SLC4A10: variants seen among roughly 807,000 people sequenced by gnomAD.
SLC4A10 encodes the protein sodium-driven chloride bicarbonate exchanger.
Under a neutral mutation model 137.7 loss-of-function variants are expected in SLC4A10, and 42 were observed. The ratio of observed to expected loss-of-function variants is 0.30; its 90% CI spans 0.24 to 0.39. The LOEUF is 0.39. Among genes scored for constraint, SLC4A10 ranks in the 10% least tolerant of loss-of-function variants. SLC4A10 has a pLI of 1.00. For synonymous variants in SLC4A10, 474 were observed against 464.1 expected, an observed-to-expected ratio of 1.02 and a Z score of -0.27; for missense variants, 925 against 1,355.0, an observed-to-expected ratio of 0.68 and a Z score of 4.98.
rs996785470 is a variant in SLC4A10 at position 161,882,436 on chromosome 2, A to T, written c.1186A>T (p.Thr396Ser). The T allele has an allele frequency of 5.1e-6, 8 of 1,584,018 alleles. No homozygotes were observed. Among genetic ancestry groups the T allele is most frequent in the African/African-American group, 1.3e-5 (1 of 74,138 alleles). Residue 396 changes from threonine to serine, a missense_variant, in exon 10 of 27, where the codon ACA (threonine) becomes TCA (serine). This residue lies in a region of SLC4A10 where 277 missense variants were observed against 306.1 expected (regional missense o/e 0.90). Coordinates refer to ENST00000446997, the MANE Select transcript of SLC4A10 (RefSeq NM_001178015.2). ...TGGCAGATCAATTGCAACCCTAATG[A>T]CAGATGAGGTATTTATTCAAGTTCT... ...EIGRSIATLM[T>S]DEVFHDVAYK... is the part of the protein sequence containing the mutation.
chr2:161,965,249 G>C, intron 23 of SLC4A10, 76 bp downstream of exon 23: 1 of 1,447,968 alleles, frequency 6.9e-7, no homozygotes, highest in Non-Finnish European at 9.3e-7. Context: ...CTAAATTATT[G>C]TTTTTATCTT....
intron 1 of SLC4A10, among the ~76,000 whole-genome samples, chr2:161,762,418 G>T (rs148475015): frequency 1.0e-3 from 159 of 152,120 alleles, no homozygotes; most frequent in African/African-American, 3.5e-3. Flanking sequence ...GCTGATACTC[G>T]TTTATATATT....
intron 15 of SLC4A10, among the ~76,000 whole-genome samples, chr2:161,935,826 A>G (rs1391403177): frequency 6.6e-6 from 1 of 152,060 alleles, no homozygotes; most frequent in African/African-American, 2.4e-5. Context: ...TACAATGTTG[A>G]CTAAAAGTGG....
intron 2 of SLC4A10, among the ~76,000 whole-genome samples, chr2:161,772,243 T>C (rs2051712414): frequency 6.6e-6 from 1 of 151,816 alleles, no homozygotes; most frequent in Admixed American, 6.6e-5. Flanking sequence ...ATAAAAATAA[T>C]TTATCTTTGA....
Position 161,670,571 on chromosome 2 carries a change from T to A in SLC4A10, c.48+46005T>A, listed in dbSNP as rs531262705. Among the ~76,000 whole-genome samples, 237 of 34,758 alleles carry A rather than the reference T, an allele frequency of 6.8e-3. 1 individual carries two copies. The highest frequency in any genetic ancestry group is 0.017 in the Admixed American group (40 of 2,352). 22.8% of individuals were successfully genotyped at this position (34,758 alleles called of 152,430 possible). ...ACATAATTTACTCCCTTAGTAACCTTGTTTATAAATACTAACAAGGTATTT... is the reference window on the plus strand; with the variant it reads ...ACATAATTTACTCCCTTAGTAACCTAGTTTATAAATACTAACAAGGTATTT... On this transcript the variant is annotated intron_variant, in intron 1 of 26. Transcript: ENST00000446997.
At chr2:161,888,804 A>G (rs2062600895) in intron 10 of SLC4A10, among the ~76,000 whole-genome samples, 1 of 152,286 alleles carries the variant, frequency 6.6e-6, no homozygotes, top group Non-Finnish European at 1.5e-5. Flanking sequence ...TGTCCTGGCC[A>G]GAACTTCCAA....
At chr2:161,795,603 C>T (rs568927571) in intron 2 of SLC4A10, among the ~76,000 whole-genome samples, 23 of 152,044 alleles carry the variant, frequency 1.5e-4, no homozygotes, top group African/African-American at 5.1e-4. Flanking sequence ...AAGATTCAAC[C>T]TCTTGGAAGA....
At chr2:161,761,327 G>A (rs951610160) in intron 1 of SLC4A10, among the ~76,000 whole-genome samples, 1 of 152,052 alleles carries the variant, frequency 6.6e-6, no homozygotes, top group African/African-American at 2.4e-5. Context: ...CTTAGGGAAG[G>A]ACACAGCAGG....
intron 15 of SLC4A10, among the ~76,000 whole-genome samples, chr2:161,915,099 A>C (rs867064095): frequency 4.6e-5 from 7 of 152,196 alleles, no homozygotes; most frequent in Middle Eastern, 3.4e-3. Context: ...AAGACCCCAG[A>C]CTCAGCCAGT....
intron 1 of SLC4A10, among the ~76,000 whole-genome samples, chr2:161,751,892 C>A (rs774596670): frequency 6.6e-6 from 1 of 151,898 alleles, no homozygotes; most frequent in African/African-American, 2.4e-5. Context: ...AATGCATACA[C>A]GTTTACTCAA....
At chr2:161,750,910 T>G (rs567674741) in intron 1 of SLC4A10, among the ~76,000 whole-genome samples, 2 of 151,864 alleles carry the variant, frequency 1.3e-5, no homozygotes, top group South Asian at 4.1e-4. Context: ...TGGGTCTATA[T>G]ATATTTATAA....
chr2:161,963,374 A>T (rs891579382), intron 21 of SLC4A10, among the ~76,000 whole-genome samples: 1 of 152,190 alleles, frequency 6.6e-6, no homozygotes, highest in African/African-American at 2.4e-5. Context: ...AATAATTTTA[A>T]TAAAATACAA....
chr2:161,875,372 A>G (rs1428348960), intron 8 of SLC4A10, among the ~76,000 whole-genome samples: 1 of 152,166 alleles, frequency 6.6e-6, no homozygotes, highest in East Asian at 1.9e-4. Flanking sequence ...GAATCTTAAT[A>G]TGCAGATTCC....
At chr2:161,837,011 C>A (rs997352171) in intron 3 of SLC4A10, among the ~76,000 whole-genome samples, 1 of 152,140 alleles carries the variant, frequency 6.6e-6, no homozygotes, top group African/African-American at 2.4e-5. Context: ...AAACTGACAT[C>A]ATACTTATTC....
intron 1 of SLC4A10, among the ~76,000 whole-genome samples, chr2:161,745,108 G>A (rs2125269500): frequency 6.6e-6 from 1 of 152,152 alleles, no homozygotes; most frequent in African/African-American, 2.4e-5. Flanking sequence ...CTCTAGGTTT[G>A]GAAAGTTCTC....
At chr2:161,833,077 C>A (rs2058543966) in intron 3 of SLC4A10, among the ~76,000 whole-genome samples, 1 of 152,196 alleles carries the variant, frequency 6.6e-6, no homozygotes, top group Non-Finnish European at 1.5e-5. Context: ...TTTAGAGATA[C>A]ATACCTACAG....
intron 4 of SLC4A10, among the ~76,000 whole-genome samples, chr2:161,852,656 T>A (rs1456262908): frequency 2.6e-5 from 4 of 152,222 alleles, no homozygotes; most frequent in Non-Finnish European, 4.4e-5. Context: ...ATCAGTTGTT[T>A]CTGCTATAAG....
At chr2:161,638,863 C>CT (rs1015230476) in intron 1 of SLC4A10, among the ~76,000 whole-genome samples, 3 of 62,558 alleles carry the variant, frequency 4.8e-5, no homozygotes, top group Non-Finnish European at 3.5e-5. Flanking sequence ...ATAGGTATTT[C>CT]TTTTTTTTAA....
intron 6 of SLC4A10, among the ~76,000 whole-genome samples, chr2:161,868,736 T>C (rs879879919): frequency 6.6e-6 from 1 of 151,662 alleles, no homozygotes; most frequent in African/African-American, 2.4e-5. Flanking sequence ...AGAGGAGATA[T>C]TAGGTTTCTC....
Sources: allele counts gnomAD v4.1 joint callset (sites outside exome capture counted in the v4.1 genomes callset), GRCh38; gene constraint gnomAD v4.1.1; regional missense constraint gnomAD v4.1.1; transcripts MANE v1.5; gene names NCBI Gene and HGNC (gene_info 2026-07-23, HGNC 2026-07-21).